CDK12: variants seen among roughly 807,000 people sequenced by gnomAD.
CDK12 encodes the protein cyclin-dependent kinase 12.
Under a neutral mutation model 133.8 loss-of-function variants are expected in CDK12, and 17 were observed. The observed-to-expected ratio is 0.13, with a 90% CI of 0.09 to 0.19. CDK12 has a LOEUF of 0.19. Ranked by LOEUF, CDK12 falls within the 10% of genes least tolerant of loss-of-function variation. The pLI, the probability that CDK12 is intolerant of heterozygous loss-of-function variation, is 1.00. For missense variants in CDK12, 1,508 were observed against 1,818.7 expected, an observed-to-expected ratio of 0.83 and a Z score of 3.11; for synonymous variants, 694 against 683.6, an observed-to-expected ratio of 1.02 and a Z score of -0.24.
In CDK12 at chr17:39,462,964, G is replaced by A. The variant is rs756670367; in HGVS notation, c.893G>A (p.Arg298Gln). The change falls in exon 1 of 14, where the codon CGA becomes CAA. Residue 298 changes from arginine (R) to glutamine (Q), a missense_variant. Physicochemically the swap from Arg to Gln is conservative, Grantham distance 43. Coordinates refer to ENST00000447079, the MANE Select transcript of CDK12 (RefSeq NM_016507.4). ...CGGTCACCGAGCCCCTACAGTAGGC[G>A]ACAGAGATCTGTCAGTCCCTATAGC... is the stretch of plus-strand genomic sequence containing the variant. ...STRSPSPYSR[R>Q]QRSVSPYSRR... is the part of the protein sequence containing the mutation. 1.9e-6 allele frequency: 3 copies of A among 1,614,116 alleles called. No homozygotes were observed. The highest frequency in any genetic ancestry group is 1.7e-5 in the Admixed American group (1 of 60,008).
At chr17:39,507,880 G>C (rs1469280323) in intron 6 of CDK12, among the ~76,000 whole-genome samples, 1 of 152,110 alleles carries the variant, frequency 6.6e-6, no homozygotes, top group Non-Finnish European at 1.5e-5. Context: ...GGTGTTTGGG[G>C]CAAGTGGATA....
chr17:39,517,562 T>A lies in CDK12; in HGVS notation c.2963+6T>A, dbSNP rs2146513767. On this transcript the variant is annotated splice_donor_region_variant and intron_variant, in intron 10 of 13. Coordinates refer to ENST00000447079, the MANE Select transcript of CDK12 (RefSeq NM_016507.4). The stretch of plus-strand genomic sequence containing the variant: ...CTACGAGAAGAATTCTCTTTGTGAG[T>A]TTGGGGAAAATGAACATCTCGTTTC... 4.5e-6 allele frequency: 7 copies of A among 1,539,950 alleles called. No individual in the cohort carries two copies. Among genetic ancestry groups the A allele is most frequent in the Non-Finnish European group, 6.3e-6 (7 of 1,112,528 alleles).
chr17:39,487,203 A>G (rs990241747), intron 2 of CDK12, among the ~76,000 whole-genome samples: 7 of 152,302 alleles, frequency 4.6e-5, no homozygotes, highest in African/African-American at 1.7e-4. Context: ...GGTACAAACT[A>G]ACCTATATTG....
chr17:39,486,899 T>C (rs1242473117), intron 2 of CDK12, among the ~76,000 whole-genome samples: 1 of 152,062 alleles, frequency 6.6e-6, no homozygotes, highest in African/African-American at 2.4e-5. Flanking sequence ...TCCCAGCTAC[T>C]TGGGAGGCTG....
rs2144898306 is a variant in CDK12 at position 39,462,836 on chromosome 17, C to T, written c.765C>T (p.Thr255=). The T allele has an allele frequency of 6.2e-7, 1 of 1,614,172 alleles. No homozygotes were observed. The highest frequency in any genetic ancestry group is 8.5e-7 in the Non-Finnish European group (1 of 1,180,036). Residue 255 remains threonine (T), a synonymous_variant, in exon 1 of 14, where the codon ACC becomes ACT. Coordinates refer to ENST00000447079, the MANE Select transcript of CDK12 (RefSeq NM_016507.4). ...DYDLSPSRSH[T]SSNYDSYKKS... is the part of the protein sequence containing the mutation. The stretch of plus-strand genomic sequence containing the variant: ...ACCTTAGTCCCTCACGATCTCATAC[C>T]TCGAGCAATTATGACTCCTACAAGA...
upstream of CDK12, chr17:39,544,042 T>G (rs1473854230): frequency 3.9e-6 from 1 of 258,760 alleles, no homozygotes; most frequent in Non-Finnish European, 8.1e-6. Flanking sequence ...GACAAGAATT[T>G]TAGAACAGTT....
intron 1 of CDK12, among the ~76,000 whole-genome samples, chr17:39,542,255 C>T (rs995273370): frequency 6.0e-5 from 9 of 148,796 alleles, no homozygotes; most frequent in Non-Finnish European, 1.3e-4. Context: ...GGCGCGATCT[C>T]GGCTCACTGC....
chr17:39,547,170 T>G (rs2055753301), upstream of CDK12, among the ~76,000 whole-genome samples: 1 of 151,182 alleles, frequency 6.6e-6, no homozygotes, highest in Non-Finnish European at 1.5e-5. Context: ...AGTTTCGCTT[T>G]TGTTGCCCAA....
chr17:39,533,666 T>C lies in CDK12; in HGVS notation c.*2350T>C. On this transcript the variant is annotated 3_prime_UTR_variant, in exon 14 of 14. Coordinates refer to ENST00000447079, the MANE Select transcript of CDK12 (RefSeq NM_016507.4). ...TAAGCCTCCATTCCCTCATCCCTACTAGGGAAGGGGGTGAGTGTATGTGTG... is the reference window on the plus strand; with the variant it reads ...TAAGCCTCCATTCCCTCATCCCTACCAGGGAAGGGGGTGAGTGTATGTGTG... The C allele has an allele frequency of 4.3e-6, 1 of 232,926 alleles. No homozygotes were observed. The highest frequency in any genetic ancestry group is 6.0e-5 in the East Asian group (1 of 16,642). The allele number at this position is 232,926 out of a possible 1,614,324, so 14.4% of individuals were successfully genotyped here.
intron 2 of CDK12, among the ~76,000 whole-genome samples, chr17:39,488,996 CT>C (rs2051356941): frequency 6.6e-6 from 1 of 152,170 alleles, no homozygotes; most frequent in Non-Finnish European, 1.5e-5. Context: ...TCTCAGCTCA[CT>C]GCAACCTCCT....
upstream of CDK12, among the ~76,000 whole-genome samples, chr17:39,548,737 T>TA (rs1457742860): frequency 1.3e-5 from 2 of 152,194 alleles, no homozygotes; most frequent in African/African-American, 4.8e-5. Flanking sequence ...ATGAGCCTCA[T>TA]ACCCACCCTG....
intron 5 of CDK12, among the ~76,000 whole-genome samples, chr17:39,496,163 A>T (rs983092230): frequency 6.6e-6 from 1 of 152,118 alleles, no homozygotes; most frequent in Non-Finnish European, 1.5e-5. Flanking sequence ...CATCCACCTC[A>T]GCCTGCCAAA....
chr17:39,563,966 G>A lies in CDK12; in HGVS notation n.485-794G>A, dbSNP rs142196131. ...GGTTCTTGATGACGGTGGACTTGAGGTCGAGGAGGATGGGGGCCTGGGTGG... is the reference window on the plus strand; with the variant it reads ...GGTTCTTGATGACGGTGGACTTGAGATCGAGGAGGATGGGGGCCTGGGTGG... On this transcript the variant is annotated intron_variant and non_coding_transcript_variant, in intron 3 of 3. Transcript: ENST00000558240. Among the ~76,000 whole-genome samples, 499 of 152,308 alleles carry A rather than the reference G, an allele frequency of 3.3e-3. 2 individuals are homozygous for A. The highest frequency in any genetic ancestry group is 0.012 in the African/African-American group (479 of 41,564).
chr17:39,538,283 C>T, downstream of CDK12, among the ~76,000 whole-genome samples: 1 of 152,136 alleles, frequency 6.6e-6, no homozygotes, highest in East Asian at 1.9e-4. Flanking sequence ...CTAAGTCAAC[C>T]TAGAGACTAG....
intron 2 of CDK12, among the ~76,000 whole-genome samples, chr17:39,483,268 CT>C (rs879881959): frequency 1.4e-3 from 199 of 143,094 alleles, no homozygotes; most frequent in Admixed American, 1.5e-3. Context: ...TGTTTCTTTT[CT>C]TTTTTTTTTT....
intron 2 of CDK12, among the ~76,000 whole-genome samples, chr17:39,476,703 A>G (rs1015856944): frequency 2.4e-4 from 9 of 38,280 alleles, no homozygotes; most frequent in African/African-American, 5.9e-4. Flanking sequence ...ATGAGCCACC[A>G]TGCCTGCCTT....
intron 2 of CDK12, among the ~76,000 whole-genome samples, chr17:39,553,775 G>A (rs1470053471): frequency 6.6e-6 from 1 of 152,246 alleles, no homozygotes; most frequent in African/African-American, 2.4e-5. Context: ...AGCTCAGCAA[G>A]CTCAAGGTTC....
intron 8 of CDK12, among the ~76,000 whole-genome samples, chr17:39,514,409 C>G (rs2053669341): frequency 6.6e-6 from 1 of 152,118 alleles, no homozygotes; most frequent in Non-Finnish European, 1.5e-5. Flanking sequence ...TTGTATTTGT[C>G]TCATTTCAAA....
chr17:39,541,031 C>G (rs2055386433), intron 1 of CDK12, among the ~76,000 whole-genome samples: 1 of 152,152 alleles, frequency 6.6e-6, no homozygotes, highest in African/African-American at 2.4e-5. Flanking sequence ...TATGGTGTCG[C>G]CTCCCACCAT....
Sources: gnomAD v4.1 joint callset for allele counts (sites outside exome capture counted in the v4.1 genomes callset) on GRCh38, gnomAD v4.1.1 for gene constraint, MANE v1.5 for transcripts, NCBI Gene and HGNC (gene_info 2026-07-23, HGNC 2026-07-21) for gene names.